CCSER1: variants seen among roughly 807,000 people sequenced by gnomAD.
The protein encoded by CCSER1 is coiled-coil serine rich protein 1, also known as serine-rich coiled-coil domain-containing protein 1.
CCSER1 carries 41 observed loss-of-function variants against 82.0 expected under a neutral mutation model. That is an observed-to-expected ratio of 0.50 (90% confidence interval 0.39 to 0.65). The LOEUF (loss-of-function observed/expected upper bound fraction) is 0.65. Ranked by LOEUF, CCSER1 falls within the 30% of genes least tolerant of loss-of-function variation. The pLI, the probability that CCSER1 is intolerant of heterozygous loss-of-function variation, is 0.00. For missense variants in CCSER1, 1,119 were observed against 1,064.2 expected (o/e 1.05, Z -0.72); for synonymous variants, 414 against 383.9 (o/e 1.08, Z -0.92).
chr4:91,554,183 T>C (rs1021677923), intron 10 of CCSER1, among the ~76,000 whole-genome samples: 2 of 151,588 alleles, frequency 1.3e-5, no homozygotes, highest in East Asian at 1.9e-4. Flanking sequence ...CACACATTTG[T>C]GAATTTCCCA....
intron 1 of CCSER1, among the ~76,000 whole-genome samples, chr4:90,205,658 C>CT (rs1159058308): frequency 6.6e-6 from 1 of 152,052 alleles, no homozygotes; most frequent in Non-Finnish European, 1.5e-5. Context: ...CTGAAATTTT[C>CT]TTTTTTTGTT....
chr4:90,405,384 A>G (rs1560464070), intron 4 of CCSER1, among the ~76,000 whole-genome samples: 1 of 152,180 alleles, frequency 6.6e-6, no homozygotes, highest in Non-Finnish European at 1.5e-5. Context: ...CAAACCTGTG[A>G]ATAATTGGTG....
intron 8 of CCSER1, among the ~76,000 whole-genome samples, chr4:90,897,158 G>A (rs1723834350): frequency 6.6e-6 from 1 of 151,490 alleles, no homozygotes; most frequent in Admixed American, 6.6e-5. Flanking sequence ...ATGGATTCCT[G>A]GGTTCTTTTG....
At chr4:90,538,284 A>G (rs896996406) in intron 5 of CCSER1, among the ~76,000 whole-genome samples, 2 of 152,058 alleles carry the variant, frequency 1.3e-5, no homozygotes, top group Admixed American at 6.6e-5. Context: ...TGCAGTTTTG[A>G]TATTCTCTAT....
intron 10 of CCSER1, among the ~76,000 whole-genome samples, chr4:91,373,283 T>A (rs1750165945): frequency 6.6e-6 from 1 of 152,182 alleles, no homozygotes; most frequent in Non-Finnish European, 1.5e-5. Flanking sequence ...TTTGTTGCAC[T>A]TTGCAGATAT....
At chr4:91,319,549 T>A (rs1252416994) in intron 10 of CCSER1, 1 of 407,932 alleles carries the variant, frequency 2.5e-6, no homozygotes, top group East Asian at 7.1e-5. Flanking sequence ...ATATGAAAAA[T>A]TGCTATCCTG....
intron 10 of CCSER1, among the ~76,000 whole-genome samples, chr4:91,522,757 C>G (rs1431287521): frequency 2.0e-5 from 3 of 152,134 alleles, no homozygotes; most frequent in African/African-American, 7.2e-5. Flanking sequence ...TGCTTATCAG[C>G]TTAAGGAGAT....
intron 1 of CCSER1, among the ~76,000 whole-genome samples, chr4:90,223,673 A>T (rs956052745): frequency 6.6e-6 from 1 of 152,196 alleles, no homozygotes; most frequent in Non-Finnish European, 1.5e-5. Context: ...AACTGAAGGG[A>T]ATGTGTTAAA....
Position 90,492,965 on chromosome 4 carries a change from C to T in CCSER1, c.1724+24611C>T, listed in dbSNP as rs540091012. 1.1e-4 allele frequency among the ~76,000 whole-genome samples: 17 copies of T among 151,998 alleles called. No homozygotes were observed. In the South Asian group the frequency reaches 2.7e-3, roughly 24 times the overall value. On this transcript the variant is annotated intron_variant, in intron 5 of 10. Coordinates refer to ENST00000509176, the MANE Select transcript of CCSER1 (RefSeq NM_001145065.2). ...TAGGCTTCAGAAGATCAAACTTCTC[C>T]GAGCTAAAGGAGGAAGTTCGAACCC...
chr4:90,684,320 T>C (rs1734420952), intron 6 of CCSER1, among the ~76,000 whole-genome samples: 1 of 152,206 alleles, frequency 6.6e-6, no homozygotes, highest in Non-Finnish European at 1.5e-5. Flanking sequence ...ATTTCTAAAA[T>C]GAGATTATAA....
At chr4:90,892,704 G>C (rs2150119201) in intron 8 of CCSER1, among the ~76,000 whole-genome samples, 1 of 151,716 alleles carries the variant, frequency 6.6e-6, no homozygotes, top group Admixed American at 6.6e-5. Context: ...TTTTATTATT[G>C]ATTTCTTAAC....
intron 10 of CCSER1, among the ~76,000 whole-genome samples, chr4:91,308,922 G>A (rs950926247): frequency 1.3e-4 from 19 of 151,798 alleles, no homozygotes; most frequent in African/African-American, 4.4e-4. Context: ...TAATAAAATG[G>A]AAAACAATTG....
chr4:90,546,117 A>G lies in CCSER1; in HGVS notation c.1724+77763A>G, dbSNP rs534068924. ...CACACCCAGAAGCATTGGCTGAAAT[A>G]GTTTGACAGCTTAAGGTCTAGACCT... On this transcript the variant is annotated intron_variant, in intron 5 of 10. Coordinates refer to ENST00000509176, the MANE Select transcript of CCSER1 (RefSeq NM_001145065.2). 6.0e-5 allele frequency among the ~76,000 whole-genome samples: 6 copies of G among 99,782 alleles called. No homozygotes were observed. In the South Asian group the frequency reaches 8.8e-4, roughly 15 times the overall value. 65.5% of individuals were successfully genotyped at this position (99,782 alleles called of 152,430 possible).
chr4:90,830,126 T>C (rs1760950527), intron 8 of CCSER1, among the ~76,000 whole-genome samples: 1 of 152,174 alleles, frequency 6.6e-6, no homozygotes, highest in South Asian at 2.1e-4. Flanking sequence ...CACCGGACAT[T>C]TCTAGTGAGT....
At chr4:90,282,915 A>G (rs1729137024) in intron 1 of CCSER1, among the ~76,000 whole-genome samples, 1 of 151,954 alleles carries the variant, frequency 6.6e-6, no homozygotes, top group Non-Finnish European at 1.5e-5. Flanking sequence ...TATCCAGGGT[A>G]AAGGGATAGG....
intron 10 of CCSER1, among the ~76,000 whole-genome samples, chr4:91,092,615 C>T (rs547748406): frequency 7.2e-5 from 11 of 152,304 alleles, no homozygotes; most frequent in Middle Eastern, 3.4e-3. Flanking sequence ...TTTCAAGTGA[C>T]TCCTGGCCTA....
At chr4:91,000,279 G>A (rs2150474735) in intron 9 of CCSER1, among the ~76,000 whole-genome samples, 1 of 149,732 alleles carries the variant, frequency 6.7e-6, no homozygotes, top group East Asian at 1.9e-4. Flanking sequence ...AGTATAGTAT[G>A]TATAGTTTAG....
At chr4:90,657,300 T>C (rs898323193) in intron 6 of CCSER1, among the ~76,000 whole-genome samples, 1 of 152,146 alleles carries the variant, frequency 6.6e-6, no homozygotes, top group Non-Finnish European at 1.5e-5. Flanking sequence ...AGATTTTGTT[T>C]TTTGGAAGCT....
chr4:90,724,563 T>G (rs1477277001), intron 7 of CCSER1: 1 of 239,590 alleles, frequency 4.2e-6, no homozygotes, highest in African/African-American at 2.3e-5. Context: ...AGTCTTGTTT[T>G]GCCACTTAAG....
Sources: gnomAD v4.1 joint callset for allele counts (sites outside exome capture counted in the v4.1 genomes callset) on GRCh38, gnomAD v4.1.1 for gene constraint, MANE v1.5 for transcripts, NCBI Gene and HGNC (gene_info 2026-07-23, HGNC 2026-07-21) for gene names.